PITPNM3: variants seen among roughly 807,000 people sequenced by gnomAD.
The protein encoded by PITPNM3 is membrane-associated phosphatidylinositol transfer protein 3.
In PITPNM3, 26 loss-of-function variants were observed where a neutral mutation model predicts 102.0. The ratio of observed to expected loss-of-function variants is 0.25; its 90% CI spans 0.19 to 0.35. PITPNM3 has a LOEUF of 0.35. Among genes scored for constraint, PITPNM3 ranks in the 10% least tolerant of loss-of-function variants. The pLI, the probability that PITPNM3 is intolerant of heterozygous loss-of-function variation, is 1.00. For missense variants in PITPNM3, 1,083 were observed against 1,346.1 expected (o/e 0.80, Z 3.06); for synonymous variants, 578 against 558.6 (o/e 1.03, Z -0.49).
intron 11 of PITPNM3, among the ~76,000 whole-genome samples, chr17:6,471,892 C>T (rs1385137460): frequency 6.6e-6 from 1 of 152,146 alleles, no homozygotes; most frequent in Non-Finnish European, 1.5e-5. Flanking sequence ...ATTGAAGCTC[C>T]AGGCAGGCAG....
chr17:6,506,070 AAGGC>A (rs1177334785), intron 3 of PITPNM3, among the ~76,000 whole-genome samples: 1 of 152,216 alleles, frequency 6.6e-6, no homozygotes, highest in East Asian at 1.9e-4. Flanking sequence ...AGAAGGAAGG[AAGGC>A]AGGAAGCCCA....
intron 3 of PITPNM3, among the ~76,000 whole-genome samples, chr17:6,512,521 T>C (rs984950275): frequency 6.6e-6 from 1 of 152,166 alleles, no homozygotes; most frequent in African/African-American, 2.4e-5. Flanking sequence ...AAAATGTGGA[T>C]TCTGAGCCCC....
chr17:6,531,466 C>G (rs1454016245), intron 2 of PITPNM3, among the ~76,000 whole-genome samples: 1 of 152,228 alleles, frequency 6.6e-6, no homozygotes, highest in Non-Finnish European at 1.5e-5. Flanking sequence ...CTAAGCTTTT[C>G]TTACCCATGG....
At chr17:6,496,652 T>C (rs1039741461) in intron 4 of PITPNM3, among the ~76,000 whole-genome samples, 2 of 152,218 alleles carry the variant, frequency 1.3e-5, no homozygotes, top group Non-Finnish European at 2.9e-5. Flanking sequence ...CCTTAAGGGC[T>C]GGGACTGGGT....
Position 6,472,790 on chromosome 17 carries a change from G to A in PITPNM3, c.1296C>T (p.Ser432=). The A allele has an allele frequency of 2.5e-6, 4 of 1,614,168 alleles. No individual in the cohort carries two copies. Among genetic ancestry groups the A allele is most frequent in the Non-Finnish European group, 3.4e-6 (4 of 1,180,004 alleles). ...QVRPACSQVY[S]FFHCADPSAS... is the part of the protein sequence containing the mutation. ...CAGAGGGGTCTGCGCAATGGAAGAA[G>A]CTGTAGACCTGGCTGCAGGCAGGAC... The change falls in exon 11 of 20, where the codon AGC becomes AGT. Residue 432 remains serine, a synonymous_variant. Transcript: ENST00000262483. The surrounding 1 kb of genome is among the most constrained non-coding windows in gnomAD (Gnocchi z 4.1).
At chr17:6,554,044 C>T (rs180738526) in intron 1 of PITPNM3, among the ~76,000 whole-genome samples, 135 of 152,170 alleles carry the variant, frequency 8.9e-4, no homozygotes, top group South Asian at 1.7e-3. Flanking sequence ...GGAGACCAGG[C>T]GCAGTGCCTC....
intron 3 of PITPNM3, among the ~76,000 whole-genome samples, chr17:6,523,164 A>C (rs961172746): frequency 6.6e-6 from 1 of 152,140 alleles, no homozygotes; most frequent in Non-Finnish European, 1.5e-5. Flanking sequence ...CCCTTCATTC[A>C]TGAGCATCAG....
At chr17:6,546,993 C>T (rs1445927071) in intron 1 of PITPNM3, among the ~76,000 whole-genome samples, 1 of 150,680 alleles carries the variant, frequency 6.6e-6, no homozygotes, top group Non-Finnish European at 1.5e-5. Context: ...GGTGACAGAG[C>T]AAGACTCCGT....
chr17:6,508,466 C>T (rs920727793), intron 3 of PITPNM3, among the ~76,000 whole-genome samples: 6 of 152,216 alleles, frequency 3.9e-5, no homozygotes, highest in Admixed American at 1.3e-4. Flanking sequence ...AATTTCACCC[C>T]GCCTCCTATT....
Position 6,455,538 on chromosome 17 carries a change from C to G in PITPNM3, c.2725G>C (p.Gly909Arg). The stretch of plus-strand genomic sequence containing the variant: ...AGGAACTCTGGCTGCGCGTGCAGCC[C>G]GAAGCTGCCCTTGCGCAGGATCATG... The part of the protein sequence containing the change: ...SRMILRKGSF[G>R]LHAQPEFLRK... Residue 909 changes from glycine (G) to arginine (R), a missense_variant, in exon 20 of 20, where the codon GGG becomes CGG. Physicochemically the swap from Gly to Arg is moderately radical, Grantham distance 125. Transcript: ENST00000262483. The G allele has an allele frequency of 6.2e-7, 1 of 1,604,310 alleles. No individual in the cohort carries two copies. Among genetic ancestry groups the G allele is most frequent in the Non-Finnish European group, 8.5e-7 (1 of 1,179,454 alleles).
intron 4 of PITPNM3, among the ~76,000 whole-genome samples, chr17:6,492,502 G>C (rs1324746332): frequency 6.6e-6 from 1 of 152,208 alleles, no homozygotes. Flanking sequence ...AGAAATGCTT[G>C]TGGAAGGAAA....
intron 2 of PITPNM3, among the ~76,000 whole-genome samples, chr17:6,528,246 T>G (rs559969926): frequency 6.6e-6 from 1 of 152,282 alleles, no homozygotes; most frequent in South Asian, 2.1e-4. Flanking sequence ...ATTGCCTTGC[T>G]CTCTTCTCAC....
intron 2 of PITPNM3, among the ~76,000 whole-genome samples, chr17:6,533,889 C>T (rs1909274043): frequency 6.6e-6 from 1 of 152,208 alleles, no homozygotes. Flanking sequence ...GAGCACCTGG[C>T]ACTTGATGGA....
Position 6,484,257 on chromosome 17 carries a change from A to T in PITPNM3, c.310T>A (p.Phe104Ile). The change falls in exon 5 of 20, where the codon TTC (phenylalanine) becomes ATC (isoleucine). Residue 104 changes from phenylalanine to isoleucine, a missense_variant. Physicochemically the swap from Phe to Ile is conservative, Grantham distance 21 (BLOSUM62 0). Around this residue, in one of 5 missense-constraint regions of PITPNM3, gnomAD observed 290 missense variants for 337.8 expected, o/e 0.86. Coordinates refer to ENST00000262483, the MANE Select transcript of PITPNM3 (RefSeq NM_031220.4). ...ATCTCGATGCTTCCCTGGGCTGGGA[A>T]CCTCTGTCTTCTCAAGGAAACCCGG... ...LYRVSLRRQR[F>I]PAQGSIEIHE... is the part of the protein sequence containing the mutation. 6.2e-7 allele frequency: 1 copy of T among 1,612,130 alleles called. No individual in the cohort carries two copies. The highest frequency in any genetic ancestry group is 8.5e-7 in the Non-Finnish European group (1 of 1,178,312).
At position 6,458,767 on chromosome 17, in the gene PITPNM3, T is replaced by C. The variant is rs1904323793; in HGVS notation, c.2491-1045A>G. Among the ~76,000 whole-genome samples the C allele has an allele frequency of 6.6e-6, 1 of 151,154 alleles. No homozygotes were observed. Among genetic ancestry groups the C allele is most frequent in the African/African-American group, 2.4e-5 (1 of 40,990 alleles). On this transcript the variant is annotated intron_variant, in intron 18 of 19. Transcript: ENST00000262483. The surrounding 1 kb of genome is among the most constrained non-coding windows in gnomAD (Gnocchi z 5.1). ...GTGTCCTTGCCTCCACCCCGGATTC[T>C]CTCACCCCTTCATCCTCCTCCCACA...
chr17:6,513,391 T>C (rs1907982264), intron 3 of PITPNM3, among the ~76,000 whole-genome samples: 1 of 152,136 alleles, frequency 6.6e-6, no homozygotes, highest in Non-Finnish European at 1.5e-5. Context: ...TGTAATCCTA[T>C]GCATAGAAAG....
intron 2 of PITPNM3, among the ~76,000 whole-genome samples, chr17:6,531,441 A>G (rs910098435): frequency 1.3e-5 from 2 of 152,226 alleles, no homozygotes; most frequent in African/African-American, 4.8e-5. Context: ...ATGTCAACCC[A>G]TCCTCCTTGG....
chr17:6,550,798 T>C (rs1910261350), intron 1 of PITPNM3, among the ~76,000 whole-genome samples: 1 of 152,002 alleles, frequency 6.6e-6, no homozygotes, highest in Non-Finnish European at 1.5e-5. Context: ...CAAACACAGG[T>C]CAAGTCACAG....
Position 6,484,144 on chromosome 17 carries a change from T to C in PITPNM3, c.351+72A>G, listed in dbSNP as rs1016994804. The C allele has an allele frequency of 4.7e-6, 7 of 1,479,230 alleles. No individual in the cohort carries two copies. In the African/African-American group the frequency reaches 8.3e-5, roughly 18 times the overall value. 91.6% of individuals were successfully genotyped at this position (1,479,230 alleles called of 1,614,324 possible). ...AGAGCTGGAAGAAAACGAGGCCGCCTATGATCCGAGGGCTCTTGCTAAAAT... is the reference window on the plus strand; with the variant it reads ...AGAGCTGGAAGAAAACGAGGCCGCCCATGATCCGAGGGCTCTTGCTAAAAT... On this transcript the variant is annotated intron_variant, in intron 5 of 19. Coordinates refer to ENST00000262483, the MANE Select transcript of PITPNM3 (RefSeq NM_031220.4).
Sources: gnomAD v4.1 joint callset for allele counts (sites outside exome capture counted in the v4.1 genomes callset) on GRCh38, gnomAD v4.1.1 for gene constraint, gnomAD v4.1.1 regional missense constraint, Gnocchi (gnomAD v3.1) non-coding constraint, MANE v1.5 for transcripts, NCBI Gene and HGNC (gene_info 2026-07-23, HGNC 2026-07-21) for gene names.